NDST3: variants seen among roughly 807,000 people sequenced by gnomAD.
The protein encoded by NDST3 is N-deacetylase and N-sulfotransferase 3.
In NDST3, 58 loss-of-function variants were observed where a neutral mutation model predicts 96.1. That is an observed-to-expected ratio of 0.60 (90% CI 0.49 to 0.75). The LOEUF (loss-of-function observed/expected upper bound fraction) is 0.75. Among genes scored for constraint, NDST3 ranks in the 30% least tolerant of loss-of-function variants. The pLI, the probability that NDST3 is intolerant of heterozygous loss-of-function variation, is 0.00. For synonymous variants in NDST3, 333 were observed against 359.7 expected (o/e 0.93, Z 0.84); for missense variants, 788 against 1,034.2 (o/e 0.76, Z 3.27).
chr4:118,241,194 G>A (rs904095886), intron 11 of NDST3, among the ~76,000 whole-genome samples: 2 of 152,116 alleles, frequency 1.3e-5, no homozygotes, highest in Admixed American at 1.3e-4. Flanking sequence ...ATACCTGTGA[G>A]TCTAGAGCCA....
intron 2 of NDST3, among the ~76,000 whole-genome samples, chr4:118,057,227 G>C (rs2110456193): frequency 6.6e-6 from 1 of 152,060 alleles, no homozygotes; most frequent in South Asian, 2.1e-4. Context: ...TAGGATTTTT[G>C]GCATAGGTTG....
At chr4:118,252,298 C>T (rs1408998625) in intron 12 of NDST3, among the ~76,000 whole-genome samples, 3 of 152,036 alleles carry the variant, frequency 2.0e-5, no homozygotes, top group Non-Finnish European at 4.4e-5. Context: ...GGCCCTAAAC[C>T]GAAAATCAGC....
intron 4 of NDST3, among the ~76,000 whole-genome samples, chr4:118,117,847 G>A (rs1355732614): frequency 6.6e-6 from 1 of 152,150 alleles, no homozygotes; most frequent in Non-Finnish European, 1.5e-5. Context: ...TGTGAATCAA[G>A]ATTTCTTTTC....
At chr4:118,106,804 TA>T (rs1459937369) in intron 3 of NDST3, among the ~76,000 whole-genome samples, 1 of 152,044 alleles carries the variant, frequency 6.6e-6, no homozygotes, top group Admixed American at 6.6e-5. Flanking sequence ...AAAAAAAATC[TA>T]ATTGGCTGGG....
rs756299123 is a variant in NDST3, at chr4:118,224,667, C to A, written c.1716C>A (p.Leu572=). 4 of 1,584,396 alleles carry A rather than the reference C, an allele frequency of 2.5e-6. No individual in the cohort carries two copies. The East Asian group carries it at 6.8e-5, about 27-fold the overall frequency. ...FELFPDQKDP[L]WQNPCDDKRH... is the part of the protein sequence containing the mutation. ...TGTTTCCTGATCAGAAAGACCCTCT[C>A]TGGCAGGTAAAATTAATTAAATAAT... Residue 572 remains leucine (L), a synonymous_variant, in exon 7 of 14, where the codon CTC becomes CTA. Coordinates refer to ENST00000296499, the MANE Select transcript of NDST3 (RefSeq NM_004784.3).
chr4:118,160,854 C>A (rs985541466), intron 6 of NDST3, among the ~76,000 whole-genome samples: 4 of 151,970 alleles, frequency 2.6e-5, no homozygotes, highest in African/African-American at 7.2e-5. Context: ...TCGTCTGAAG[C>A]CTTCTTCTCT....
chr4:118,121,331 A>G (rs1324394175), intron 4 of NDST3, among the ~76,000 whole-genome samples: 2 of 152,282 alleles, frequency 1.3e-5, no homozygotes, highest in Non-Finnish European at 2.9e-5. Context: ...TTTCACCAGA[A>G]TAGTTTAAAA....
At chr4:118,111,051 A>G (rs1239942496) in intron 3 of NDST3, among the ~76,000 whole-genome samples, 1 of 152,202 alleles carries the variant, frequency 6.6e-6, no homozygotes, top group African/African-American at 2.4e-5. Context: ...TATCCTAAGT[A>G]AATCAATGCA....
chr4:118,072,705 G>C (rs1250008960), intron 2 of NDST3, among the ~76,000 whole-genome samples: 4 of 151,914 alleles, frequency 2.6e-5, no homozygotes, highest in African/African-American at 4.8e-5. Flanking sequence ...CTTCGTATTT[G>C]GATGCCTTTT....
intron 6 of NDST3, among the ~76,000 whole-genome samples, chr4:118,217,457 T>C (rs1207320876): frequency 6.6e-6 from 1 of 152,116 alleles, no homozygotes; most frequent in East Asian, 1.9e-4. Context: ...CAGAATTTTA[T>C]ACTTATTTTT....
chr4:118,161,454 G>C (rs1006726200), intron 6 of NDST3, among the ~76,000 whole-genome samples: 3 of 152,146 alleles, frequency 2.0e-5, no homozygotes, highest in Admixed American at 1.3e-4. Flanking sequence ...CTTTTTGTTT[G>C]TCTGTGCCCT....
At chr4:118,056,555 A>C (rs1725446647) in intron 2 of NDST3, among the ~76,000 whole-genome samples, 1 of 151,986 alleles carries the variant, frequency 6.6e-6, no homozygotes, top group African/African-American at 2.4e-5. Context: ...TCAAAACACT[A>C]ATTTACTACA....
chr4:118,197,216 T>A (rs1737753617), intron 6 of NDST3, among the ~76,000 whole-genome samples: 1 of 152,184 alleles, frequency 6.6e-6, no homozygotes, highest in South Asian at 2.1e-4. Flanking sequence ...CTTGATATGA[T>A]TAACATTTTT....
At chr4:118,162,758 A>G (rs1735259899) in intron 6 of NDST3, among the ~76,000 whole-genome samples, 1 of 148,050 alleles carries the variant, frequency 6.8e-6, no homozygotes, top group African/African-American at 2.5e-5. Context: ...ATGGGATCTA[A>G]TTAAACTAAA....
chr4:118,092,222 A>G (rs1275147895), intron 2 of NDST3, among the ~76,000 whole-genome samples: 2 of 68,192 alleles, frequency 2.9e-5, no homozygotes, highest in East Asian at 4.6e-4. Flanking sequence ...AGGTATTTTC[A>G]TTGTTTTTTT....
At chr4:118,034,818 T>G (rs1000593311) in intron 1 of NDST3, among the ~76,000 whole-genome samples, 5 of 152,212 alleles carry the variant, frequency 3.3e-5, no homozygotes, top group African/African-American at 1.2e-4. Flanking sequence ...CATAAGATTA[T>G]GGTACTAAAG....
intron 1 of NDST3, among the ~76,000 whole-genome samples, chr4:118,047,169 T>G (rs146171535): frequency 6.6e-6 from 1 of 152,186 alleles, no homozygotes; most frequent in Non-Finnish European, 1.5e-5. Flanking sequence ...TATACACCCC[T>G]GTGAAACCAA....
chr4:118,201,491 G>T (rs985532270), intron 6 of NDST3, among the ~76,000 whole-genome samples: 1 of 152,192 alleles, frequency 6.6e-6, no homozygotes, highest in Non-Finnish European at 1.5e-5. Flanking sequence ...ACTGGTGTGA[G>T]ATTTTATCTC....
chr4:118,129,608 A>G (rs1021676546), intron 4 of NDST3, among the ~76,000 whole-genome samples: 1 of 152,060 alleles, frequency 6.6e-6, no homozygotes, highest in African/African-American at 2.4e-5. Flanking sequence ...GACCTAACAT[A>G]TGGTCTATCC....
Sources: gnomAD v4.1 joint callset for allele counts (sites outside exome capture counted in the v4.1 genomes callset) on GRCh38, gnomAD v4.1.1 for gene constraint, MANE v1.5 for transcripts, NCBI Gene and HGNC (gene_info 2026-07-23, HGNC 2026-07-21) for gene names.